ZNF180: variants seen among roughly 807,000 people sequenced by gnomAD.
ZNF180 encodes zinc finger protein 180.
A neutral mutation model predicts 11.8 loss-of-function variants in ZNF180; 11 were observed. That is an observed-to-expected ratio of 0.93 (90% CI 0.59 to 1.55). The LOEUF (loss-of-function observed/expected upper bound fraction) is 1.55, where lower values mean the gene tolerates loss of function less well. Among genes scored for constraint, ZNF180 ranks in the 40% most tolerant of loss-of-function variants. The pLI is 0.00. For missense variants in ZNF180, 773 were observed against 781.7 expected, an observed-to-expected ratio of 0.99 and a Z score of 0.13; for synonymous variants, 287 against 257.7, an observed-to-expected ratio of 1.11 and a Z score of -1.09.
At chr19:44,488,107 C>G (rs1355010601) in intron 2 of ZNF180, among the ~76,000 whole-genome samples, 2 of 65,546 alleles carry the variant, frequency 3.1e-5, no homozygotes, top group African/African-American at 9.1e-5. Context: ...CTCTCCCTCT[C>G]TTTCCACGGT....
intron 2 of ZNF180, among the ~76,000 whole-genome samples, chr19:44,486,884 T>C (rs751150364): frequency 6.6e-6 from 1 of 151,948 alleles, no homozygotes; most frequent in Non-Finnish European, 1.5e-5. Flanking sequence ...CTACTAAAAA[T>C]ACAAAAAAAT....
At chr19:44,493,571 G>C (rs989145113) in intron 2 of ZNF180, among the ~76,000 whole-genome samples, 1 of 152,184 alleles carries the variant, frequency 6.6e-6, no homozygotes, top group Non-Finnish European at 1.5e-5. Context: ...CTCTGAGATG[G>C]CTCCCAAAGA....
At chr19:44,486,458 AGGTTT>A (rs1179052220) in intron 2 of ZNF180, among the ~76,000 whole-genome samples, 9 of 152,230 alleles carry the variant, frequency 5.9e-5, no homozygotes, top group Non-Finnish European at 8.8e-5. Context: ...TAGTGTCCTC[AGGTTT>A]TTTCCTACAG....
chr19:44,491,776 C>G (rs1970456714), intron 2 of ZNF180, among the ~76,000 whole-genome samples: 1 of 152,218 alleles, frequency 6.6e-6, no homozygotes, highest in Non-Finnish European at 1.5e-5. Flanking sequence ...GGGAGTTTCA[C>G]TATGTTGCTC....
In ZNF180 at chr19:44,484,404, T is replaced by G; in HGVS notation, c.83A>C (p.Lys28Thr). ...DSFLPQEIIIKVEGEDTGSLT... is the reference protein window; with the variant it reads ...DSFLPQEIIITVEGEDTGSLT... ...AGACCCAGTGTCTTCTCCCTCGACT[T>G]TGATGATAATCTCTTGAGGAAGGAA... The change falls in exon 3 of 5, where the codon AAA (lysine) becomes ACA (threonine). Residue 28 changes from lysine (K) to threonine (T), a missense_variant. Lys to Thr is a moderately conservative substitution (Grantham distance 78, BLOSUM62 -1). Coordinates refer to ENST00000592529, the MANE Select transcript of ZNF180 (RefSeq NM_001278509.3). 6.2e-7 allele frequency: 1 copy of G among 1,614,104 alleles called. No homozygotes were observed. The highest frequency in any genetic ancestry group is 1.1e-5 in the South Asian group (1 of 91,074).
In ZNF180 at chr19:44,477,231, G is replaced by GCC. The variant is rs770735279; in HGVS notation, c.1168_1169insGG (p.Ser390TrpfsTer229). 12 of 1,614,010 alleles carry GCC rather than the reference G, an allele frequency of 7.4e-6. No homozygotes were observed. Among genetic ancestry groups the GCC allele is most frequent in the African/African-American group, 1.3e-5 (1 of 74,890 alleles). ...AACAAGGACATAACTCTGGCTAAAG[G>GCC]ATTTCCCACATTGATTACACCTGTA... On this transcript the variant is annotated frameshift_variant, in exon 5 of 5. Transcript: ENST00000592529. LOFTEE classifies it low-confidence loss of function (END_TRUNC).
At position 44,476,758 on chromosome 19, in the gene ZNF180, T is replaced by C. The variant is rs376593986; in HGVS notation, c.1642A>G (p.Lys548Glu). 1.2e-6 allele frequency: 2 copies of C among 1,614,030 alleles called. No homozygotes were observed. The highest frequency in any genetic ancestry group is 1.3e-5 in the African/African-American group (1 of 74,932). Residue 548 changes from lysine (K) to glutamate (E), a missense_variant, in exon 5 of 5, where the codon AAA becomes GAA. Lys to Glu is a moderately conservative substitution (Grantham distance 56). Transcript: ENST00000592529. ...VMHQRIHTGEKPYECNQCGKS... is the reference protein window; with the variant it reads ...VMHQRIHTGEEPYECNQCGKS... ...CCACACTGATTACATTCATACGGTT[T>C]TTCCCCAGTGTGAATTCTCTGATGC...
At chr19:44,489,341 T>G (rs1290856085) in intron 2 of ZNF180, among the ~76,000 whole-genome samples, 6 of 143,622 alleles carry the variant, frequency 4.2e-5, no homozygotes, top group African/African-American at 1.0e-4. Context: ...ATGGTTGCTG[T>G]GTCTGTGTAG....
At chr19:44,494,300 A>C (rs1338156297) in intron 2 of ZNF180, among the ~76,000 whole-genome samples, 1 of 152,200 alleles carries the variant, frequency 6.6e-6, no homozygotes, top group African/African-American at 2.4e-5. Context: ...AGAAAATGGT[A>C]AAAGGACCAT....
intron 2 of ZNF180, chr19:44,484,849 C>G (rs1424038113): frequency 5.7e-6 from 1 of 174,916 alleles, no homozygotes; most frequent in Admixed American, 5.9e-5. Flanking sequence ...AGAAAAAGAT[C>G]AACAAATTAA....
rs1430709583 is a variant in ZNF180 at position 44,495,548 on chromosome 19, C to A, written c.51+1736G>T. ...CCCCCAACACAGGTGCACATCTCAC[C>A]CCACTCTGGCTCCAACACCCCATCT... On this transcript the variant is annotated intron_variant, in intron 2 of 4. Transcript: ENST00000592529. This position sits in a 1 kb window ranked among gnomAD's most constrained non-coding sequence, Gnocchi z 4.5. 6.6e-6 allele frequency among the ~76,000 whole-genome samples: 1 copy of A among 152,102 alleles called. No individual in the cohort carries two copies. Among genetic ancestry groups the A allele is most frequent in the Non-Finnish European group, 1.5e-5 (1 of 68,004 alleles).
chr19:44,484,727 T>C lies in ZNF180; in HGVS notation c.52-292A>G, dbSNP rs77237262. 2.0e-3 allele frequency: 909 copies of C among 452,912 alleles called. 5 individuals are homozygous for C. The highest frequency in any genetic ancestry group is 6.7e-3 in the South Asian group (255 of 37,808). The allele number at this position is 452,912 out of a possible 1,614,324, so 28.1% of individuals were successfully genotyped here. A position where few individuals can be genotyped will look rare whatever the true frequency, so the allele number is the denominator to read the frequency against. On this transcript the variant is annotated intron_variant, in intron 2 of 4. Coordinates refer to ENST00000592529, the MANE Select transcript of ZNF180 (RefSeq NM_001278509.3). ...CAGCTGACTGAGTGATCCAAGACAC[T>C]AAGGAGCACTAAGACGCTAAGAACT...
At chr19:44,487,911 G>C (rs1423193610) in intron 2 of ZNF180, among the ~76,000 whole-genome samples, 1 of 152,102 alleles carries the variant, frequency 6.6e-6, no homozygotes, top group Non-Finnish European at 1.5e-5. Context: ...ATTTTTTGTA[G>C]AGATGGGGTT....
rs781643414 is a variant in ZNF180 at position 44,476,837 on chromosome 19, C to T, written c.1563G>A (p.Pro521=). 20 of 1,613,348 alleles carry T rather than the reference C, an allele frequency of 1.2e-5. No individual in the cohort carries two copies. Among genetic ancestry groups the T allele is most frequent in the East Asian group, 6.7e-5 (3 of 44,792 alleles). Residue 521 remains proline, a synonymous_variant, in exon 5 of 5, where the codon CCG becomes CCA. Transcript: ENST00000592529. ...AHQRTHTGEK[P]YECSECGKSF... The stretch of plus-strand genomic sequence containing the variant: ...ATTTTCCACATTCACTACATTCATA[C>T]GGTTTCTCTCCAGTGTGAGTTCTTT...
intron 2 of ZNF180, chr19:44,484,683 A>T: frequency 1.9e-6 from 1 of 535,490 alleles, no homozygotes; most frequent in South Asian, 2.1e-5. Flanking sequence ...CTTCTGGGCC[A>T]GCCCATTGCA....
intron 2 of ZNF180, among the ~76,000 whole-genome samples, chr19:44,488,526 A>C (rs376031507): frequency 1.3e-4 from 20 of 152,068 alleles, no homozygotes; most frequent in Non-Finnish European, 2.5e-4. Flanking sequence ...TCGGCCTCCC[A>C]AGGTGCTGGG....
intron 4 of ZNF180, among the ~76,000 whole-genome samples, chr19:44,478,688 A>G (rs1969997993): frequency 2.0e-5 from 3 of 152,234 alleles, no homozygotes; most frequent in African/African-American, 4.8e-5. Flanking sequence ...ATAAAGCCCC[A>G]CAAATTTCTG....
At chr19:44,488,222 CTCTCCCTCTCCCTCTCTTTCCACGG>C (rs1268890902) in intron 2 of ZNF180, among the ~76,000 whole-genome samples, 446 of 17,742 alleles carry the variant, frequency 0.025, 3 homozygotes, top group Middle Eastern at 0.17. Context: ...CACGGTCTCC[CTCTCCCTCTCCCTCTCTTTCCACGG>C]TCTCCCTCTC....
chr19:44,500,503 G>C lies in ZNF180; in HGVS notation c.-272C>G, dbSNP rs2123525237. On this transcript the variant is annotated 5_prime_UTR_variant, in exon 1 of 5. Coordinates refer to ENST00000592529, the MANE Select transcript of ZNF180 (RefSeq NM_001278509.3). ...TCGGCGACAGCAAGCGTCCGCGCGC[G>C]GGACAATGGCTGCTCTTGTGGCCGA... 3.7e-6 allele frequency: 2 copies of C among 546,450 alleles called. No individual in the cohort carries two copies. The highest frequency in any genetic ancestry group is 6.1e-5 in the East Asian group (2 of 32,914). 33.9% of individuals were successfully genotyped at this position (546,450 alleles called of 1,614,324 possible). A position where few individuals can be genotyped will look rare whatever the true frequency, so the allele number is the denominator to read the frequency against.
Sources: allele counts gnomAD v4.1 joint callset (sites outside exome capture counted in the v4.1 genomes callset), GRCh38; gene constraint gnomAD v4.1.1; non-coding constraint Gnocchi (gnomAD v3.1); transcripts MANE v1.5; gene names NCBI Gene and HGNC (gene_info 2026-07-23, HGNC 2026-07-21).